Variants in PLEKHA1 observed in about 807,000 individuals in gnomAD.
PLEKHA1 encodes pleckstrin homology domain containing A1, also known as pleckstrin homology domain-containing family A member 1.
Under a neutral mutation model 52.0 loss-of-function variants are expected in PLEKHA1, and 34 were observed. That is an observed-to-expected ratio of 0.65 (90% CI 0.50 to 0.87). The LOEUF is 0.87. Among genes scored for constraint, PLEKHA1 ranks in the 40% least tolerant of loss-of-function variants. The pLI is 0.00. For missense variants in PLEKHA1, 497 were observed against 504.2 expected (o/e 0.99, Z 0.14); for synonymous variants, 163 against 170.7 (o/e 0.95, Z 0.35).
intron 6 of PLEKHA1, among the ~76,000 whole-genome samples, chr10:122,414,105 TTG>T (rs1161367233): frequency 6.6e-6 from 1 of 152,066 alleles, no homozygotes; most frequent in Non-Finnish European, 1.5e-5. Context: ...TAAGCTAGGA[TTG>T]TGTGTTTACT....
In PLEKHA1 at chr10:122,426,990, G is replaced by A. The variant is rs140780715; in HGVS notation, c.859G>A (p.Ala287Thr). The A allele has an allele frequency of 6.2e-6, 10 of 1,613,942 alleles. No individual in the cohort carries two copies. The highest frequency in any genetic ancestry group is 1.6e-4 in the Middle Eastern group (1 of 6,084). ...CAGTTGGATTAAAGCAGTCTCTGGC[G>A]CCATTGTAGCACAGCGGGGTCCCGG... Reference protein sequence around the residue: ...MHSWIKAVSGAIVAQRGPGRS... With the variant: ...MHSWIKAVSGTIVAQRGPGRS... The change falls in exon 11 of 12, where the codon GCC (alanine) becomes ACC (threonine). Residue 287 changes from alanine to threonine, a missense_variant. Transcript: ENST00000368990.
rs899878972 is a variant in PLEKHA1 at position 122,431,717 on chromosome 10, A to C, written c.*1779A>C. ...CACTCAACTTTTTTATTCATAAGCT[A>C]ATATTTTTTTAAAGTTACATTAAGA... On this transcript the variant is annotated 3_prime_UTR_variant, in exon 12 of 12. Transcript: ENST00000368990. The C allele has an allele frequency of 6.6e-6, 1 of 152,610 alleles. No homozygotes were observed. 9.5% of individuals were successfully genotyped at this position (152,610 alleles called of 1,614,324 possible).
intron 4 of PLEKHA1, among the ~76,000 whole-genome samples, chr10:122,401,228 G>A (rs887233088): frequency 6.6e-6 from 1 of 152,208 alleles, no homozygotes; most frequent in African/African-American, 2.4e-5. Flanking sequence ...AAGCCAGGGT[G>A]CTGTGTTTTG....
At chr10:122,379,845 C>T (rs914753352) in intron 1 of PLEKHA1, among the ~76,000 whole-genome samples, 6 of 152,160 alleles carry the variant, frequency 3.9e-5, no homozygotes, top group Non-Finnish European at 8.8e-5. Context: ...TTTGCTTTTT[C>T]TTATATCACT....
intron 1 of PLEKHA1, among the ~76,000 whole-genome samples, chr10:122,381,371 T>C (rs1189217732): frequency 6.6e-6 from 1 of 152,200 alleles, no homozygotes; most frequent in Non-Finnish European, 1.5e-5. Context: ...CATGTCGAAT[T>C]GTAATCCCCA....
chr10:122,402,522 G>A (rs1237904412), intron 4 of PLEKHA1, among the ~76,000 whole-genome samples: 3 of 152,190 alleles, frequency 2.0e-5, no homozygotes, highest in African/African-American at 7.2e-5. Context: ...AGATAATTTA[G>A]CAGAGTGGAG....
At chr10:122,412,114 A>G (rs967799046) in intron 5 of PLEKHA1, 1 of 152,200 alleles carries the variant, frequency 6.6e-6, no homozygotes, top group Admixed American at 6.6e-5. Flanking sequence ...AAAAGCAAAA[A>G]TATATGTTAA....
chr10:122,393,483 A>G lies in PLEKHA1; in HGVS notation c.141+142A>G, dbSNP rs1217108134. ...CTACTGGCTGTCCTCTCTGCCCTGC[A>G]CCCCTGACCTCTACTGTTTTGTTTG... is the stretch of plus-strand genomic sequence containing the variant. On this transcript the variant is annotated intron_variant, in intron 2 of 11. Coordinates refer to ENST00000368990, the MANE Select transcript of PLEKHA1 (RefSeq NM_001001974.4). The surrounding 1 kb of genome is among the most constrained non-coding windows in gnomAD (Gnocchi z 4.5). The G allele has an allele frequency of 4.4e-6, 3 of 675,698 alleles. No individual in the cohort carries two copies. Among genetic ancestry groups the G allele is most frequent in the East Asian group, 6.5e-5 (2 of 30,572 alleles). 41.9% of individuals were successfully genotyped at this position (675,698 alleles called of 1,614,324 possible).
chr10:122,375,822 A>C (rs1590143213), intron 1 of PLEKHA1, among the ~76,000 whole-genome samples: 1 of 152,224 alleles, frequency 6.6e-6, no homozygotes, highest in East Asian at 1.9e-4. Context: ...TTCACCTTCC[A>C]ATTCTGCAGT....
intron 8 of PLEKHA1, 78 bp from the exon 9 acceptor site, chr10:122,424,121 A>G: frequency 6.7e-7 from 1 of 1,485,638 alleles, no homozygotes; most frequent in Non-Finnish European, 9.0e-7. Flanking sequence ...GGGTCTTCAA[A>G]TAAGACAGCT....
At chr10:122,399,462 C>T (rs144931779) in intron 3 of PLEKHA1, among the ~76,000 whole-genome samples, 4,419 of 152,218 alleles carry the variant, frequency 0.029, 91 homozygotes, top group Non-Finnish European at 0.041. Flanking sequence ...CTAGGGCATT[C>T]TCCTGTACAA....
chr10:122,383,630 ATTTAT>A (rs1451505217), intron 1 of PLEKHA1, among the ~76,000 whole-genome samples: 1 of 151,924 alleles, frequency 6.6e-6, no homozygotes, highest in Non-Finnish European at 1.5e-5. Context: ...GATAAATAAC[ATTTAT>A]TTTATATCAG....
At chr10:122,409,703 G>GT (rs758135172) in intron 5 of PLEKHA1, among the ~76,000 whole-genome samples, 7 of 151,990 alleles carry the variant, frequency 4.6e-5, no homozygotes, top group Non-Finnish European at 1.0e-4. Flanking sequence ...CAGAAAGATT[G>GT]TAAGACCCAG....
At chr10:122,380,478 G>T (rs1010090306) in intron 1 of PLEKHA1, among the ~76,000 whole-genome samples, 8 of 152,194 alleles carry the variant, frequency 5.3e-5, no homozygotes, top group African/African-American at 1.9e-4. Flanking sequence ...TTTTAGATAA[G>T]ATCTAAAAGG....
chr10:122,394,713 A>G lies in PLEKHA1; in HGVS notation c.141+1372A>G, dbSNP rs1004374044. ...TTTATTTATGTAGAATTTGAGTTGT[A>G]AGGGACCTCTCCTCACCCATATGAG... is the stretch of plus-strand genomic sequence containing the variant. On this transcript the variant is annotated intron_variant, in intron 2 of 11. Transcript: ENST00000368990. Among the ~76,000 whole-genome samples the G allele has an allele frequency of 3.9e-5, 6 of 152,302 alleles. No individual in the cohort carries two copies. The East Asian group carries it at 1.2e-3, about 29-fold the overall frequency.
At chr10:122,381,642 C>T (rs1034558026) in intron 1 of PLEKHA1, among the ~76,000 whole-genome samples, 2 of 152,196 alleles carry the variant, frequency 1.3e-5, no homozygotes, top group African/African-American at 4.8e-5. Context: ...CTAATTAAAC[C>T]TCTTTTCTTT....
At chr10:122,401,722 G>T (rs1231895866) in intron 4 of PLEKHA1, among the ~76,000 whole-genome samples, 1 of 152,180 alleles carries the variant, frequency 6.6e-6, no homozygotes, top group Non-Finnish European at 1.5e-5. Context: ...GAAGCTAGGA[G>T]AATTGATACC....
At chr10:122,389,732 A>C (rs1006491593) in intron 1 of PLEKHA1, among the ~76,000 whole-genome samples, 2 of 152,166 alleles carry the variant, frequency 1.3e-5, no homozygotes, top group African/African-American at 4.8e-5. Flanking sequence ...TTTCAGTAAA[A>C]CATGCTGTAA....
intron 2 of PLEKHA1, among the ~76,000 whole-genome samples, chr10:122,394,879 T>C (rs1467972285): frequency 6.6e-6 from 1 of 152,214 alleles, no homozygotes; most frequent in Non-Finnish European, 1.5e-5. Context: ...TAGATTCTTC[T>C]TGTCATTCTT....
Sources: gnomAD v4.1 joint callset for allele counts (sites outside exome capture counted in the v4.1 genomes callset) on GRCh38, gnomAD v4.1.1 for gene constraint, Gnocchi (gnomAD v3.1) non-coding constraint, MANE v1.5 for transcripts, NCBI Gene and HGNC (gene_info 2026-07-23, HGNC 2026-07-21) for gene names.